AGMO: variants seen among roughly 807,000 people sequenced by gnomAD.
The protein encoded by AGMO is alkylglycerol monooxygenase.
In AGMO, 75 loss-of-function variants were observed where a neutral mutation model predicts 60.2. The ratio of observed to expected loss-of-function variants is 1.25; its 90% CI spans 1.03 to 1.51. The LOEUF (loss-of-function observed/expected upper bound fraction) is 1.51, where lower values mean the gene tolerates loss of function less well. Among genes scored for constraint, AGMO ranks in the 40% most tolerant of loss-of-function variants. AGMO has a pLI of 0.00. For synonymous variants in AGMO, 261 were observed against 177.1 expected, an observed-to-expected ratio of 1.47 and a Z score of -3.76; for missense variants, 763 against 525.5, an observed-to-expected ratio of 1.45 and a Z score of -4.42.
At chr7:15,404,713 G>T (rs1784639701) in intron 5 of AGMO, among the ~76,000 whole-genome samples, 1 of 151,710 alleles carries the variant, frequency 6.6e-6, no homozygotes. Flanking sequence ...CCATACTTTT[G>T]ACTCTTTCTA....
chr7:15,168,053 C>A, the AGMO span, among the ~76,000 whole-genome samples: 1 of 152,158 alleles, frequency 6.6e-6, no homozygotes, highest in African/African-American at 2.4e-5. Context: ...AGCTCACGGG[C>A]CTTAAATGAC....
intron 12 of AGMO, chr7:15,306,234 G>A (rs139733411): frequency 7.5e-5 from 18 of 239,204 alleles, no homozygotes; most frequent in South Asian, 5.9e-4. Flanking sequence ...TAAATGCAAC[G>A]TTTTGACATT....
At chr7:15,202,590 G>C (rs920301081) in intron 12 of AGMO, among the ~76,000 whole-genome samples, 1 of 150,962 alleles carries the variant, frequency 6.6e-6, no homozygotes, top group African/African-American at 2.4e-5. Flanking sequence ...CATTAGTCAG[G>C]TTGATGGACT....
the AGMO span, among the ~76,000 whole-genome samples, chr7:15,119,559 C>A: frequency 3.3e-5 from 5 of 152,142 alleles, no homozygotes; most frequent in African/African-American, 1.2e-4. Flanking sequence ...TGCAACATCT[C>A]TGACTTTATA....
At chr7:15,160,414 A>G in the AGMO span, among the ~76,000 whole-genome samples, 3 of 152,156 alleles carry the variant, frequency 2.0e-5, no homozygotes, top group Non-Finnish European at 4.4e-5. Flanking sequence ...TAAAATGTAA[A>G]TCCGTAATGA....
intron 12 of AGMO, among the ~76,000 whole-genome samples, chr7:15,264,406 G>C (rs1783372051): frequency 6.6e-6 from 1 of 151,644 alleles, no homozygotes; most frequent in Non-Finnish European, 1.5e-5. Flanking sequence ...AATTTTATTT[G>C]GGAAAAAATG....
At chr7:15,316,079 A>T (rs1447884291) in intron 12 of AGMO, among the ~76,000 whole-genome samples, 2 of 152,170 alleles carry the variant, frequency 1.3e-5, no homozygotes, top group African/African-American at 4.8e-5. Context: ...TAACTACATA[A>T]AGGATAGCAA....
chr7:15,280,424 C>T (rs1048907056), intron 12 of AGMO, among the ~76,000 whole-genome samples: 2 of 152,196 alleles, frequency 1.3e-5, no homozygotes, highest in Admixed American at 1.3e-4. Context: ...CCCCTCACAC[C>T]ACAGGGGCCA....
the AGMO span, among the ~76,000 whole-genome samples, chr7:15,124,579 T>G: frequency 6.6e-6 from 1 of 152,118 alleles, no homozygotes; most frequent in African/African-American, 2.4e-5. Flanking sequence ...TTAAATTTGC[T>G]GACATACTCT....
At chr7:15,414,877 C>T (rs140308220) in intron 5 of AGMO, among the ~76,000 whole-genome samples, 55 of 152,108 alleles carry the variant, frequency 3.6e-4, no homozygotes, top group African/African-American at 1.1e-3. Context: ...CAAGTCATCA[C>T]GGACATCTAA....
chr7:15,556,864 C>G (rs1785157684), intron 2 of AGMO, among the ~76,000 whole-genome samples: 1 of 151,984 alleles, frequency 6.6e-6, no homozygotes, highest in Non-Finnish European at 1.5e-5. Context: ...ATAAGTAGGA[C>G]TAGTATCTGA....
At chr7:15,307,183 G>C (rs1453575921) in intron 12 of AGMO, among the ~76,000 whole-genome samples, 1 of 151,874 alleles carries the variant, frequency 6.6e-6, no homozygotes, top group Non-Finnish European at 1.5e-5. Flanking sequence ...TAACAGTCTT[G>C]TGAGAGGTGA....
chr7:15,488,412 G>A (rs917598932), intron 3 of AGMO, among the ~76,000 whole-genome samples: 17 of 152,048 alleles, frequency 1.1e-4, no homozygotes, highest in South Asian at 1.0e-3. Context: ...AAGCACATTT[G>A]GCCTCTATAA....
At chr7:15,143,244 A>C in the AGMO span, among the ~76,000 whole-genome samples, 1,300 of 152,352 alleles carry the variant, frequency 8.5e-3, 50 homozygotes, top group Admixed American at 0.072. Context: ...TTTAGTTGAC[A>C]GACTTTTCTA....
chr7:15,423,063 G>A (rs73286488), intron 4 of AGMO, among the ~76,000 whole-genome samples: 26,458 of 151,430 alleles, frequency 0.17, 2,507 homozygotes, highest in Middle Eastern at 0.23. Flanking sequence ...AATGAAAAAC[G>A]AAAAAGCTTT....
At chr7:15,408,259 A>AT (rs1445882050) in intron 5 of AGMO, among the ~76,000 whole-genome samples, 1 of 151,720 alleles carries the variant, frequency 6.6e-6, no homozygotes, top group Non-Finnish European at 1.5e-5. Context: ...AAGGGTTTTG[A>AT]TTTTATCTTG....
At chr7:15,316,535 C>A (rs893112659) in intron 12 of AGMO, among the ~76,000 whole-genome samples, 3 of 152,056 alleles carry the variant, frequency 2.0e-5, no homozygotes, top group African/African-American at 7.2e-5. Context: ...GTGTTACAGG[C>A]CCTAGGTTCA....
At chr7:15,385,993 C>T (rs914523014) in intron 9 of AGMO, among the ~76,000 whole-genome samples, 5 of 151,888 alleles carry the variant, frequency 3.3e-5, no homozygotes, top group Admixed American at 6.6e-5. Context: ...CCAGCCTGGC[C>T]AACATGGTGA....
intron 12 of AGMO, among the ~76,000 whole-genome samples, chr7:15,241,573 T>G (rs997479216): frequency 2.6e-5 from 4 of 151,610 alleles, no homozygotes; most frequent in African/African-American, 9.7e-5. Context: ...GACTTTGCTG[T>G]GTCCTTCCCT....
Sources: gnomAD v4.1 joint callset for allele counts (sites outside exome capture counted in the v4.1 genomes callset) on GRCh38, gnomAD v4.1.1 for gene constraint, MANE v1.5 for transcripts, NCBI Gene and HGNC (gene_info 2026-07-23, HGNC 2026-07-21) for gene names.